Variants in CNTNAP2 observed in about 807,000 individuals in gnomAD.
The protein encoded by CNTNAP2 is contactin-associated protein-like 2.
CNTNAP2 carries 98 observed loss-of-function variants against 155.2 expected under a neutral mutation model. The ratio of observed to expected loss-of-function variants is 0.63; its 90% CI spans 0.54 to 0.75. The LOEUF (loss-of-function observed/expected upper bound fraction) is 0.75, where lower values mean the gene tolerates loss of function less well. CNTNAP2 is among the 30% of genes least tolerant of loss of function. The pLI, the probability that CNTNAP2 is intolerant of heterozygous loss-of-function variation, is 0.00. For missense variants in CNTNAP2, 1,727 were observed against 1,688.1 expected (o/e 1.02, Z -0.40); for synonymous variants, 651 against 631.2 (o/e 1.03, Z -0.47).
At chr7:148,085,654 A>G (rs1450028648) in intron 15 of CNTNAP2, among the ~76,000 whole-genome samples, 1 of 152,116 alleles carries the variant, frequency 6.6e-6, no homozygotes, top group African/African-American at 2.4e-5. Flanking sequence ...AGAATCTTCT[A>G]TGATTAAATA....
rs140796849 is a variant in CNTNAP2, at chr7:147,634,112, C to T, written c.1898-4994C>T. 3.6e-3 allele frequency among the ~76,000 whole-genome samples: 550 copies of T among 152,122 alleles called. 8 individuals are homozygous for T. Among genetic ancestry groups the T allele is most frequent in the African/African-American group, 0.013 (538 of 41,504 alleles). On this transcript the variant is annotated intron_variant, in intron 12 of 23. Transcript: ENST00000361727. ...AGCAATCCCACTACTGGGTATCTACCCAGAGGAAAAGAAGTCATTATATGA... is the reference window on the plus strand; with the variant it reads ...AGCAATCCCACTACTGGGTATCTACTCAGAGGAAAAGAAGTCATTATATGA...
intron 14 of CNTNAP2, among the ~76,000 whole-genome samples, chr7:147,943,621 T>A (rs985390511): frequency 6.6e-6 from 1 of 151,574 alleles, no homozygotes; most frequent in African/African-American, 2.4e-5. Context: ...ATAGAAACAT[T>A]ATCTGGGCGT....
At chr7:146,350,919 T>C (rs1159598659) in intron 1 of CNTNAP2, among the ~76,000 whole-genome samples, 1 of 151,332 alleles carries the variant, frequency 6.6e-6, no homozygotes, top group Non-Finnish European at 1.5e-5. Flanking sequence ...CTCAGCAAAC[T>C]ATCGCAAGGA....
intron 1 of CNTNAP2, among the ~76,000 whole-genome samples, chr7:146,619,814 G>GT (rs1799288277): frequency 1.3e-5 from 2 of 152,096 alleles, no homozygotes; most frequent in Admixed American, 1.3e-4. Flanking sequence ...GTTTTGATAG[G>GT]TTTTCTCCAT....
At chr7:146,175,416 C>G (rs1798456222) in intron 1 of CNTNAP2, among the ~76,000 whole-genome samples, 1 of 152,136 alleles carries the variant, frequency 6.6e-6, no homozygotes, top group South Asian at 2.1e-4. Context: ...CATCCTTTAA[C>G]AAGGCCATAT....
At chr7:147,082,831 C>A (rs1281269296) in intron 4 of CNTNAP2, 7 of 152,122 alleles carry the variant, frequency 4.6e-5, no homozygotes, top group Non-Finnish European at 4.4e-5. Flanking sequence ...TGACCTGATG[C>A]TTTGGGAGCC....
intron 15 of CNTNAP2, among the ~76,000 whole-genome samples, chr7:147,982,115 A>T (rs1268226278): frequency 6.6e-6 from 1 of 152,130 alleles, no homozygotes; most frequent in Non-Finnish European, 1.5e-5. Flanking sequence ...AAAATAAAAG[A>T]CTTCCACTTT....
intron 2 of CNTNAP2, among the ~76,000 whole-genome samples, chr7:146,807,965 A>C (rs1320198861): frequency 2.0e-5 from 3 of 152,118 alleles, no homozygotes; most frequent in African/African-American, 7.2e-5. Flanking sequence ...GGGCCACTAG[A>C]AAAGTAAGTT....
At chr7:146,600,149 CAACACTCCATAAT>C (rs1439963975) in intron 1 of CNTNAP2, among the ~76,000 whole-genome samples, 19 of 151,976 alleles carry the variant, frequency 1.3e-4, no homozygotes, top group African/African-American at 4.6e-4. Flanking sequence ...CATTCGTAAG[CAACACTCCATAAT>C]AGTCAGTTTT....
At chr7:146,503,905 T>G (rs1460858756) in intron 1 of CNTNAP2, among the ~76,000 whole-genome samples, 1 of 152,148 alleles carries the variant, frequency 6.6e-6, no homozygotes, top group East Asian at 1.9e-4. Flanking sequence ...CAAGGGACCA[T>G]AGGCAGTTGG....
intron 4 of CNTNAP2, among the ~76,000 whole-genome samples, chr7:147,101,963 C>G (rs116118106): frequency 0.041 from 6,282 of 152,052 alleles, 419 homozygotes; most frequent in African/African-American, 0.14. Context: ...GAGGGCGGAG[C>G]CTTTGCCGGG....
chr7:148,167,002 C>A (rs1046166571), intron 17 of CNTNAP2, among the ~76,000 whole-genome samples: 2 of 152,180 alleles, frequency 1.3e-5, no homozygotes, highest in Non-Finnish European at 2.9e-5. Context: ...CCTTCTAGCT[C>A]ACTGTCCCAT....
chr7:146,480,680 T>A (rs1166095498), intron 1 of CNTNAP2, among the ~76,000 whole-genome samples: 160 of 148,308 alleles, frequency 1.1e-3, no homozygotes, highest in African/African-American at 3.7e-3. Context: ...ATATATTTTT[T>A]TTTTTCCTTT....
intron 8 of CNTNAP2, among the ~76,000 whole-genome samples, chr7:147,286,489 AG>A (rs1805181368): frequency 6.6e-6 from 1 of 152,078 alleles, no homozygotes. Context: ...ATGTTTAAAT[AG>A]AAAAAACGGA....
At chr7:148,296,884 T>G (rs1195264821) in intron 21 of CNTNAP2, among the ~76,000 whole-genome samples, 2 of 152,228 alleles carry the variant, frequency 1.3e-5, no homozygotes, top group Non-Finnish European at 2.9e-5. Context: ...TCAAAGTTTA[T>G]TCAAAGAATG....
intron 4 of CNTNAP2, among the ~76,000 whole-genome samples, chr7:147,084,074 T>TA (rs1488401970): frequency 3.0e-5 from 3 of 99,882 alleles, no homozygotes; most frequent in Non-Finnish European, 5.5e-5. Context: ...AATACATATA[T>TA]GCATAATGCT....
chr7:146,671,519 G>A (rs574946536), intron 1 of CNTNAP2, among the ~76,000 whole-genome samples: 1 of 151,698 alleles, frequency 6.6e-6, no homozygotes, highest in East Asian at 1.9e-4. Flanking sequence ...CCATAATTGG[G>A]GTTAGAATTT....
At chr7:146,124,975 A>G (rs1797613858) in intron 1 of CNTNAP2, among the ~76,000 whole-genome samples, 1 of 152,208 alleles carries the variant, frequency 6.6e-6, no homozygotes, top group African/African-American at 2.4e-5. Context: ...CTCAAGTTAT[A>G]TATATTGCCA....
At chr7:146,536,845 A>C (rs1205590194) in intron 1 of CNTNAP2, among the ~76,000 whole-genome samples, 1 of 152,232 alleles carries the variant, frequency 6.6e-6, no homozygotes, top group East Asian at 1.9e-4. Context: ...AATGCAAAAG[A>C]GAATCATCAA....
Sources: allele counts gnomAD v4.1 joint callset (sites outside exome capture counted in the v4.1 genomes callset), GRCh38; gene constraint gnomAD v4.1.1; transcripts MANE v1.5; gene names NCBI Gene and HGNC (gene_info 2026-07-23, HGNC 2026-07-21).